MID1: variants seen among roughly 807,000 people sequenced by gnomAD.
The protein encoded by MID1 is E3 ubiquitin-protein ligase Midline-1.
A neutral mutation model predicts 40.4 loss-of-function variants in MID1; 7 were observed. That is an observed-to-expected ratio of 0.17 (90% CI 0.10 to 0.33). The LOEUF is 0.33. Ranked by LOEUF, MID1 falls within the 10% of genes least tolerant of loss-of-function variation. The pLI, the probability that MID1 is intolerant of heterozygous loss-of-function variation, is 1.00. For missense variants in MID1, 367 were observed against 558.5 expected (o/e 0.66, Z 3.46); for synonymous variants, 229 against 221.2 (o/e 1.04, Z -0.31).
chrX:10,476,295 A>T (rs1017857922), intron 5 of MID1, among the ~76,000 whole-genome samples: 2 of 110,966 alleles, frequency 1.8e-5, no homozygotes, highest in African/African-American at 3.3e-5. Context: ...AACTTGATAG[A>T]GGTGGTGGCT....
chrX:10,716,199 A>T (rs1206706176), intron 1 of MID1, among the ~76,000 whole-genome samples: 3 of 112,352 alleles, frequency 2.7e-5, no homozygotes, highest in Non-Finnish European at 3.8e-5. Flanking sequence ...ATGGAGAATG[A>T]TTTTGACGAG....
In MID1 at chrX:10,597,641, A is replaced by G. The variant is rs975964237; in HGVS notation, c.-57+22649T>C. ...TGTGGTATTAAAATTTCATGCAAGG[A>G]GCAATTAGCAAAAAATGTTTCAACA... On this transcript the variant is annotated intron_variant, in intron 1 of 9. Transcript: ENST00000317552. Among the ~76,000 whole-genome samples the G allele has an allele frequency of 3.1e-4, 35 of 112,080 alleles. No individual in the cohort carries two copies. The Admixed American group carries it at 3.2e-3, about 10-fold the overall frequency.
intron 1 of MID1, among the ~76,000 whole-genome samples, chrX:10,716,982 A>C (rs778765427): frequency 9.0e-6 from 1 of 111,571 alleles, no homozygotes; most frequent in Admixed American, 9.5e-5. Flanking sequence ...CCCTTTACAG[A>C]CAAGCAAATG....
intron 1 of MID1, among the ~76,000 whole-genome samples, chrX:10,679,290 A>G (rs1216569995): frequency 8.9e-6 from 1 of 112,047 alleles, no homozygotes; most frequent in Non-Finnish European, 1.9e-5. Context: ...GATGAAGTCT[A>G]TATATGCATA....
Position 10,725,711 on chromosome X carries a change from T to C in MID1, c.-186-105292A>G, listed in dbSNP as rs1385039108. Among the ~76,000 whole-genome samples, 5 of 110,797 alleles carry C rather than the reference T, an allele frequency of 4.5e-5. No individual in the cohort carries two copies. The Admixed American group carries it at 4.8e-4, about 11-fold the overall frequency. ...CCGTCTCTACTGAAAATACAAAAAT[T>C]TGTTGGGCGTGGTGGGGTGCACCTG... On this transcript the variant is annotated intron_variant, in intron 1 of 10. Transcript: ENST00000380785.
intron 7 of MID1, among the ~76,000 whole-genome samples, chrX:10,462,040 T>C (rs1929074531): frequency 8.9e-6 from 1 of 112,084 alleles, no homozygotes. Context: ...AAAGATTTTA[T>C]GTTTCAGAAA....
intron 1 of MID1, among the ~76,000 whole-genome samples, chrX:10,685,399 C>T (rs1016647639): frequency 1.2e-4 from 13 of 111,987 alleles, no homozygotes; most frequent in African/African-American, 3.9e-4. Flanking sequence ...GAAACCAAAA[C>T]TGCTTTTCCC....
chrX:10,641,333 G>C (rs1237892220), intron 1 of MID1, among the ~76,000 whole-genome samples: 1 of 111,082 alleles, frequency 9.0e-6, no homozygotes, highest in Non-Finnish European at 1.9e-5. Flanking sequence ...AATGATAAAG[G>C]GGATATCACC....
At chrX:10,570,154 C>T (rs1238327877) in intron 1 of MID1, among the ~76,000 whole-genome samples, 2 of 111,804 alleles carry the variant, frequency 1.8e-5, no homozygotes, top group African/African-American at 6.5e-5. Flanking sequence ...CTTCCTCCCA[C>T]GCTACCCACT....
chrX:10,613,730 T>TAGAGAG (rs1226677763), intron 1 of MID1, among the ~76,000 whole-genome samples: 19 of 30,646 alleles, frequency 6.2e-4, no homozygotes, highest in East Asian at 3.7e-3. Context: ...TATATATATA[T>TAGAGAG]ATAGAGAGAG....
chrX:10,721,299 A>G (rs771882813), intron 1 of MID1, among the ~76,000 whole-genome samples: 3 of 111,397 alleles, frequency 2.7e-5, no homozygotes, highest in African/African-American at 9.8e-5. Flanking sequence ...ATGTGAATAG[A>G]TATATTTCTC....
chrX:10,507,914 C>G (rs770133727), intron 3 of MID1, among the ~76,000 whole-genome samples: 15 of 112,258 alleles, frequency 1.3e-4, no homozygotes, highest in Non-Finnish European at 2.8e-4. Flanking sequence ...ACTTCTCTCT[C>G]CATTTAAAGT....
In MID1 at chrX:10,548,822, C is replaced by T. The variant is rs748066015; in HGVS notation, c.660+18066G>A. Among the ~76,000 whole-genome samples, 101 of 112,160 alleles carry T rather than the reference C, an allele frequency of 9.0e-4. 1 individual carries two copies. In the Admixed American group the frequency reaches 9.6e-3, roughly 11 times the overall value. ...CTGTTTCCCAAGGACTCGTAGGAAG[C>T]ATCTCTAGCTATTAGATATAATTCA... On this transcript the variant is annotated intron_variant, in intron 2 of 9. Coordinates refer to ENST00000317552, the MANE Select transcript of MID1 (RefSeq NM_000381.4).
At chrX:10,768,856 C>T (rs921513247) in intron 1 of MID1, among the ~76,000 whole-genome samples, 2 of 111,298 alleles carry the variant, frequency 1.8e-5, no homozygotes, top group South Asian at 3.8e-4. Context: ...TATATAACAA[C>T]GGCTCCAAAC....
At chrX:10,488,738 CA>C (rs775585628) in intron 4 of MID1, among the ~76,000 whole-genome samples, 1 of 110,776 alleles carries the variant, frequency 9.0e-6, no homozygotes, top group Non-Finnish European at 1.9e-5. Context: ...ATTGGGTGGG[CA>C]CCATCTAATC....
intron 1 of MID1, among the ~76,000 whole-genome samples, chrX:10,604,176 A>T (rs1379962231): frequency 6.3e-5 from 7 of 111,997 alleles, no homozygotes; most frequent in Non-Finnish European, 1.3e-4. Context: ...TAAAAAAAAA[A>T]TATTTGAGCC....
intron 2 of MID1, among the ~76,000 whole-genome samples, 179 bp from the exon 3 acceptor site, chrX:10,523,366 G>T (rs966522318): frequency 2.7e-5 from 3 of 111,886 alleles, no homozygotes; most frequent in Non-Finnish European, 5.6e-5. Flanking sequence ...GCATTTAAAA[G>T]AACCTTTTAG....
intron 1 of MID1, among the ~76,000 whole-genome samples, chrX:10,731,966 CAAAAAAAAAAA>C (rs754605735): frequency 1.9e-4 from 5 of 26,649 alleles, no homozygotes; most frequent in South Asian, 3.1e-3. Flanking sequence ...GAATCTATCA[CAAAAAAAAAAA>C]AAAAAAAAAA....
At chrX:10,565,827 TGA>T (rs1217572625) in intron 2 of MID1, among the ~76,000 whole-genome samples, 3 of 106,483 alleles carry the variant, frequency 2.8e-5, no homozygotes, top group Non-Finnish European at 5.8e-5. Flanking sequence ...TTTTTTTTTT[TGA>T]GAGAGAGTCT....
Sources: gnomAD v4.1 joint callset for allele counts (sites outside exome capture counted in the v4.1 genomes callset) on GRCh38, gnomAD v4.1.1 for gene constraint, MANE v1.5 for transcripts, NCBI Gene and HGNC (gene_info 2026-07-23, HGNC 2026-07-21) for gene names.